METTL2B: variants seen among roughly 807,000 people sequenced by gnomAD.
The protein encoded by METTL2B is tRNA N(3)-cytidine methyltransferase METTL2B.
Under a neutral mutation model 51.0 loss-of-function variants are expected in METTL2B, and 28 were observed. That is an observed-to-expected ratio of 0.55 (90% CI 0.41 to 0.75). METTL2B has a LOEUF of 0.75. Ranked by LOEUF, METTL2B falls within the 30% of genes least tolerant of loss-of-function variation. The pLI, the probability that METTL2B is intolerant of heterozygous loss-of-function variation, is 0.00. For synonymous variants in METTL2B, 128 were observed against 166.3 expected (o/e 0.77, Z 1.77); for missense variants, 313 against 460.7 (o/e 0.68, Z 2.93).
At chr7:128,498,527 C>A (rs1325024495) in intron 7 of METTL2B, among the ~76,000 whole-genome samples, 1 of 150,638 alleles carries the variant, frequency 6.6e-6, no homozygotes, top group African/African-American at 2.4e-5. Context: ...CCACTATAAT[C>A]AAAAAATGGT....
At chr7:128,495,806 C>T (rs1792914340) in intron 6 of METTL2B, among the ~76,000 whole-genome samples, 1 of 152,150 alleles carries the variant, frequency 6.6e-6, no homozygotes, top group East Asian at 1.9e-4. Flanking sequence ...GATTCAGATA[C>T]CGTGGACTAA....
intron 4 of METTL2B, chr7:128,484,232 T>TTTTTTTTTTTGTTTTTTTTTTTTG (rs1554428851): frequency 1.2e-5 from 1 of 83,558 alleles, no homozygotes; most frequent in Non-Finnish European, 2.2e-5. Flanking sequence ...TTTTTTTTTT[T>TTTTTTTTTTTGTTTTTTTTTTTTG]TTTTTTTTTT....
chr7:128,501,272 C>G (rs563709152), intron 8 of METTL2B: 292 of 985,428 alleles, frequency 3.0e-4, no homozygotes, highest in South Asian at 1.2e-3. Flanking sequence ...CTGTCTCACC[C>G]TCTACACGGG....
chr7:128,506,519 G>A lies in METTL2B; in HGVS notation c.*4603G>A, dbSNP rs1222172218. 2.0e-5 allele frequency: 3 copies of A among 152,162 alleles called. No homozygotes were observed. Among genetic ancestry groups the A allele is most frequent in the Non-Finnish European group, 2.9e-5 (2 of 68,034 alleles). 9.4% of individuals were successfully genotyped at this position (152,162 alleles called of 1,614,324 possible). A position where few individuals can be genotyped will look rare whatever the true frequency, so the allele number is the denominator to read the frequency against. On this transcript the variant is annotated 3_prime_UTR_variant, in exon 9 of 9. Transcript: ENST00000262432. ...TCATCCTCAGAATCGCTAATGATGG[G>A]CAGAGGACTGTTACATGTGTTGGGA...
intron 7 of METTL2B, among the ~76,000 whole-genome samples, chr7:128,498,770 G>A (rs1399490480): frequency 7.2e-5 from 11 of 152,050 alleles, no homozygotes; most frequent in African/African-American, 2.7e-4. Flanking sequence ...AGGCCGAGTC[G>A]GGCAGATCAC....
chr7:128,499,099 G>T (rs1337727331), intron 7 of METTL2B, among the ~76,000 whole-genome samples: 4 of 152,108 alleles, frequency 2.6e-5, no homozygotes, highest in Non-Finnish European at 5.9e-5. Context: ...GAGTAAGAAG[G>T]AATATTTTCA....
At chr7:128,496,079 A>T (rs1399436712) in intron 6 of METTL2B, among the ~76,000 whole-genome samples, 2 of 152,172 alleles carry the variant, frequency 1.3e-5, no homozygotes, top group African/African-American at 2.4e-5. Context: ...CCCAGAGTCC[A>T]AGGACCCCTT....
chr7:128,503,557 C>T lies in METTL2B; in HGVS notation c.*1641C>T, dbSNP rs1184316983. The T allele has an allele frequency of 6.6e-6, 1 of 151,990 alleles. No homozygotes were observed. Among genetic ancestry groups the T allele is most frequent in the African/African-American group, 2.4e-5 (1 of 41,400 alleles). The allele number at this position is 151,990 out of a possible 1,614,324, so 9.4% of individuals were successfully genotyped here. On this transcript the variant is annotated 3_prime_UTR_variant, in exon 9 of 9. Coordinates refer to ENST00000262432, the MANE Select transcript of METTL2B (RefSeq NM_018396.3). ...TTGAGCCATCGCTCCACCTCAGCCT[C>T]CTGAGTAGCTAGGACTGCAGGTGGG...
At position 128,488,783 on chromosome 7, in the gene METTL2B, A is replaced by T. The variant is rs191358431; in HGVS notation, c.669+622A>T. On this transcript the variant is annotated intron_variant, in intron 5 of 8. Transcript: ENST00000262432. ...CTTACACTTGTGTTGTAATTATTAAATTTAATACACAATTGCATAAACTAA... is the reference window on the plus strand; with the variant it reads ...CTTACACTTGTGTTGTAATTATTAATTTTAATACACAATTGCATAAACTAA... 5.3e-3 allele frequency among the ~76,000 whole-genome samples: 801 copies of T among 152,300 alleles called. 4 individuals are homozygous for T. Among genetic ancestry groups the T allele is most frequent in the Admixed American group, 0.01 (157 of 15,280 alleles).
At chr7:128,491,634 C>T (rs1304233310) in intron 5 of METTL2B, among the ~76,000 whole-genome samples, 1 of 149,910 alleles carries the variant, frequency 6.7e-6, no homozygotes, top group Non-Finnish European at 1.5e-5. Context: ...GACGTGGTGG[C>T]ATGCACCTGT....
chr7:128,506,441 A>G lies in METTL2B; in HGVS notation c.*4525A>G, dbSNP rs1158200986. The G allele has an allele frequency of 6.6e-6, 1 of 152,050 alleles. No homozygotes were observed. The highest frequency in any genetic ancestry group is 1.5e-5 in the Non-Finnish European group (1 of 68,034). 9.4% of individuals were successfully genotyped at this position (152,050 alleles called of 1,614,324 possible). A position where few individuals can be genotyped will look rare whatever the true frequency, so the allele number is the denominator to read the frequency against. ...TATTCCCTGCCATCTGCTAAGCTCG[A>G]CTTTTTATCTCTCAGGCCAAATTTG... On this transcript the variant is annotated 3_prime_UTR_variant, in exon 9 of 9. Coordinates refer to ENST00000262432, the MANE Select transcript of METTL2B (RefSeq NM_018396.3).
chr7:128,490,325 C>CTT (rs56261578), intron 5 of METTL2B, among the ~76,000 whole-genome samples: 22,613 of 131,750 alleles, frequency 0.17, 2,275 homozygotes, highest in Non-Finnish European at 0.18. Flanking sequence ...TCAGGCTTCA[C>CTT]TTTTTTTTTT....
intron 5 of METTL2B, among the ~76,000 whole-genome samples, chr7:128,491,302 A>C (rs545686858): frequency 6.6e-6 from 1 of 151,572 alleles, no homozygotes; most frequent in Non-Finnish European, 1.5e-5. Context: ...ACTTTAAAAA[A>C]CACAAAAACT....
chr7:128,486,873 C>T (rs1017432044), intron 4 of METTL2B, among the ~76,000 whole-genome samples: 7 of 152,322 alleles, frequency 4.6e-5, no homozygotes, highest in African/African-American at 1.7e-4. Flanking sequence ...TGCAATGAGT[C>T]TTTTAGAAAG....
chr7:128,490,938 G>C lies in METTL2B; in HGVS notation c.669+2777G>C, dbSNP rs568848988. Among the ~76,000 whole-genome samples the C allele has an allele frequency of 1.9e-3, 288 of 151,346 alleles. 1 individual carries two copies. Among genetic ancestry groups the C allele is most frequent in the African/African-American group, 6.7e-3 (278 of 41,230 alleles). ...AGCACTTTGGGAGGCCACGGCCAGC[G>C]GATCATGAGGTCAGGAGTTCGATAC... On this transcript the variant is annotated intron_variant, in intron 5 of 8. Coordinates refer to ENST00000262432, the MANE Select transcript of METTL2B (RefSeq NM_018396.3).
intron 6 of METTL2B, among the ~76,000 whole-genome samples, chr7:128,495,583 TG>T (rs1792910655): frequency 1.3e-5 from 2 of 152,064 alleles, no homozygotes; most frequent in South Asian, 4.1e-4. Flanking sequence ...CCTGAGCAGC[TG>T]GGATTCAGAC....
chr7:128,495,766 C>T (rs1792913791), intron 6 of METTL2B, among the ~76,000 whole-genome samples: 1 of 152,084 alleles, frequency 6.6e-6, no homozygotes, highest in African/African-American at 2.4e-5. Flanking sequence ...ACTATCTTCT[C>T]AAGGAAGCAG....
At chr7:128,498,637 G>T (rs1584797575) in intron 7 of METTL2B, among the ~76,000 whole-genome samples, 1 of 152,078 alleles carries the variant, frequency 6.6e-6, no homozygotes, top group Non-Finnish European at 1.5e-5. Context: ...GAAGAGGCTT[G>T]TATAATCTAG....
In METTL2B at chr7:128,498,353, G is replaced by C. The variant is rs531269567; in HGVS notation, c.916+211G>C. On this transcript the variant is annotated intron_variant, in intron 7 of 8. Transcript: ENST00000262432. Reference sequence around the variant, plus strand: ...ACTGGGGCCTGTCTGGAGGTGGGGGGGCTGGGAGAGGGAGAGCATTAGCAG... The same window carrying C: ...ACTGGGGCCTGTCTGGAGGTGGGGGCGCTGGGAGAGGGAGAGCATTAGCAG... 6.8e-5 allele frequency among the ~76,000 whole-genome samples: 10 copies of C among 147,082 alleles called. No homozygotes were observed. In the East Asian group the frequency reaches 2.2e-3, roughly 32 times the overall value.
Sources: allele counts gnomAD v4.1 joint callset (sites outside exome capture counted in the v4.1 genomes callset), GRCh38; gene constraint gnomAD v4.1.1; transcripts MANE v1.5; gene names NCBI Gene and HGNC (gene_info 2026-07-23, HGNC 2026-07-21).